CD80: variants seen among roughly 807,000 people sequenced by gnomAD.
CD80 encodes CD80 molecule.
A neutral mutation model predicts 27.1 loss-of-function variants in CD80; 13 were observed. The ratio of observed to expected loss-of-function variants is 0.48; its 90% CI spans 0.31 to 0.76. CD80 has a LOEUF of 0.76. CD80 is among the 30% of genes least tolerant of loss of function. The pLI is 0.04. For missense variants in CD80, 277 were observed against 347.9 expected (o/e 0.80, Z 1.62); for synonymous variants, 125 against 125.5 (o/e 1.00, Z 0.03).
At position 119,555,191 on chromosome 3, in the gene CD80, G is replaced by A. The variant is rs75882647; in HGVS notation, c.100+2438C>T. Among the ~76,000 whole-genome samples, 658 of 152,178 alleles carry A rather than the reference G, an allele frequency of 4.3e-3. 3 individuals are homozygous for A. Among genetic ancestry groups the A allele is most frequent in the African/African-American group, 0.015 (638 of 41,516 alleles). On this transcript the variant is annotated intron_variant, in intron 2 of 6. Transcript: ENST00000264246. ...CCCTCCCCACATATTCACAGCTTCC[G>A]CCACTGTCTACATCCTGCGCCAGGG...
intron 2 of CD80, among the ~76,000 whole-genome samples, chr3:119,552,356 G>A (rs1030805966): frequency 1.3e-5 from 2 of 151,728 alleles, no homozygotes; most frequent in Non-Finnish European, 2.9e-5. Context: ...GCGTGGTGGC[G>A]GGCTGATTTT....
intron 5 of CD80, among the ~76,000 whole-genome samples, chr3:119,528,461 TTCATTTAA>T (rs1188507839): frequency 6.6e-6 from 1 of 152,220 alleles, no homozygotes; most frequent in Non-Finnish European, 1.5e-5. Flanking sequence ...GCAGTTCCTC[TTCATTTAA>T]TCATAGAGAT....
intron 3 of CD80, among the ~76,000 whole-genome samples, chr3:119,543,844 G>C (rs2082184845): frequency 6.6e-6 from 1 of 150,724 alleles, no homozygotes. Flanking sequence ...CATAGTAATA[G>C]ACGTTCACAT....
intron 2 of CD80, among the ~76,000 whole-genome samples, chr3:119,548,902 T>G (rs1156947316): frequency 1.3e-5 from 2 of 152,212 alleles, no homozygotes; most frequent in Non-Finnish European, 2.9e-5. Flanking sequence ...CCGGGCATGT[T>G]GGGACACACC....
chr3:119,554,778 T>C (rs2082253747), intron 2 of CD80, among the ~76,000 whole-genome samples: 1 of 152,196 alleles, frequency 6.6e-6, no homozygotes, highest in African/African-American at 2.4e-5. Context: ...ACACTCCCGT[T>C]GAGCAGTCCT....
chr3:119,552,589 T>C (rs141233760), intron 2 of CD80, among the ~76,000 whole-genome samples: 3 of 151,228 alleles, frequency 2.0e-5, no homozygotes, highest in Admixed American at 6.6e-5. Context: ...TCCCAGCACT[T>C]TGGGAGCTGG....
At chr3:119,545,005 G>T (rs2082193058) in intron 2 of CD80, 138 bp from the exon 3 acceptor site, 1 of 669,238 alleles carries the variant, frequency 1.5e-6, no homozygotes, top group Non-Finnish European at 2.5e-6. Flanking sequence ...TGATTTTTGG[G>T]GTCCCCAATG....
chr3:119,542,391 G>A (rs562689729), intron 3 of CD80, among the ~76,000 whole-genome samples: 2 of 152,120 alleles, frequency 1.3e-5, no homozygotes, highest in East Asian at 1.9e-4. Context: ...AATTCACTAC[G>A]GATCTGCTGA....
intron 3 of CD80, among the ~76,000 whole-genome samples, chr3:119,539,861 C>T (rs1288000064): frequency 6.6e-6 from 1 of 152,188 alleles, no homozygotes; most frequent in Non-Finnish European, 1.5e-5. Context: ...CAATAACTTA[C>T]CCACCTTTAG....
chr3:119,546,516 A>G (rs141171515), intron 2 of CD80, among the ~76,000 whole-genome samples: 1 of 152,158 alleles, frequency 6.6e-6, no homozygotes, highest in South Asian at 2.1e-4. Context: ...CCAAGGGCCT[A>G]TGATTCTGCA....
chr3:119,541,258 A>C (rs553361173), intron 3 of CD80, among the ~76,000 whole-genome samples: 1 of 152,280 alleles, frequency 6.6e-6, no homozygotes, highest in Admixed American at 6.5e-5. Context: ...AAAGGGTAGG[A>C]ATGTCTTACA....
At chr3:119,534,111 T>C (rs1448295271) in intron 4 of CD80, among the ~76,000 whole-genome samples, 1 of 152,148 alleles carries the variant, frequency 6.6e-6, no homozygotes, top group Non-Finnish European at 1.5e-5. Flanking sequence ...GGCTCACACC[T>C]GTAATCACAG....
chr3:119,551,386 AG>A (rs1287884090), intron 2 of CD80, among the ~76,000 whole-genome samples: 82 of 152,312 alleles, frequency 5.4e-4, no homozygotes, highest in African/African-American at 1.9e-3. Context: ...AAAGGTGATT[AG>A]GTCATGGAGA....
At chr3:119,555,579 C>T (rs951233218) in intron 2 of CD80, among the ~76,000 whole-genome samples, 11 of 152,222 alleles carry the variant, frequency 7.2e-5, no homozygotes, top group Non-Finnish European at 1.5e-4. Context: ...CTGGGCCAGT[C>T]CCTCCTCTGC....
chr3:119,532,278 G>C (rs2082115156), intron 4 of CD80, among the ~76,000 whole-genome samples: 1 of 152,118 alleles, frequency 6.6e-6, no homozygotes, highest in African/African-American at 2.4e-5. Flanking sequence ...AAGGTGGGCA[G>C]ATCACCTGAG....
intron 5 of CD80, among the ~76,000 whole-genome samples, chr3:119,528,311 G>T (rs781326543): frequency 6.6e-6 from 1 of 152,024 alleles, no homozygotes; most frequent in African/African-American, 2.4e-5. Flanking sequence ...TGAGCTTTGG[G>T]TTTTTTTGGT....
At chr3:119,533,787 A>G (rs937036067) in intron 4 of CD80, among the ~76,000 whole-genome samples, 1 of 152,192 alleles carries the variant, frequency 6.6e-6, no homozygotes, top group African/African-American at 2.4e-5. Context: ...TGTCTTTATC[A>G]GCAGCATGAA....
chr3:119,542,958 C>T (rs892934342), intron 3 of CD80, among the ~76,000 whole-genome samples: 5 of 152,192 alleles, frequency 3.3e-5, no homozygotes, highest in South Asian at 2.1e-4. Flanking sequence ...GCTGGCACCA[C>T]CCAGATCAAT....
chr3:119,529,781 CAT>C (rs2082099719), intron 5 of CD80, 59 bp downstream of exon 5: 3 of 1,163,980 alleles, frequency 2.6e-6, no homozygotes, highest in Non-Finnish European at 3.9e-6. Flanking sequence ...GATGCCGAAC[CAT>C]GGTAATAAAG....
Sources: allele counts gnomAD v4.1 joint callset (sites outside exome capture counted in the v4.1 genomes callset), GRCh38; gene constraint gnomAD v4.1.1; transcripts MANE v1.5; gene names NCBI Gene and HGNC (gene_info 2026-07-23, HGNC 2026-07-21).